Variants in CACNB2 observed in about 807,000 individuals in gnomAD.
The protein encoded by CACNB2 is voltage-dependent L-type calcium channel subunit beta-2.
CACNB2 carries 42 observed loss-of-function variants against 73.3 expected under a neutral mutation model. That is an observed-to-expected ratio of 0.57 (90% CI 0.45 to 0.74). The LOEUF is 0.74. Among genes scored for constraint, CACNB2 ranks in the 30% least tolerant of loss-of-function variants. CACNB2 has a pLI of 0.00. For synonymous variants in CACNB2, 348 were observed against 310.3 expected, an observed-to-expected ratio of 1.12 and a Z score of -1.28; for missense variants, 940 against 853.0, an observed-to-expected ratio of 1.10 and a Z score of -1.27.
intron 2 of CACNB2, among the ~76,000 whole-genome samples, chr10:18,391,943 A>AAG (rs1554808309): frequency 2.6e-5 from 4 of 151,622 alleles, no homozygotes; most frequent in Non-Finnish European, 4.4e-5. Flanking sequence ...AAAAAAAAAA[A>AAG]AAGAAGGTAA....
At chr10:18,295,198 A>G (rs1379700357) in intron 2 of CACNB2, among the ~76,000 whole-genome samples, 1 of 152,328 alleles carries the variant, frequency 6.6e-6, no homozygotes, top group South Asian at 2.1e-4. Context: ...AGCACTTCCA[A>G]TAACAATGCA....
intron 3 of CACNB2, among the ~76,000 whole-genome samples, chr10:18,454,869 C>T (rs1026843724): frequency 6.6e-6 from 1 of 151,980 alleles, no homozygotes; most frequent in African/African-American, 2.4e-5. Flanking sequence ...AAAGACTGCC[C>T]CCCGCTACAA....
chr10:18,430,800 A>G (rs571070011), intron 3 of CACNB2, among the ~76,000 whole-genome samples: 2 of 152,358 alleles, frequency 1.3e-5, no homozygotes, highest in South Asian at 4.1e-4. Flanking sequence ...GTGTTGAGGG[A>G]AAGGTGAAAA....
intron 2 of CACNB2, among the ~76,000 whole-genome samples, chr10:18,257,892 T>A (rs2037351457): frequency 6.6e-6 from 1 of 152,126 alleles, no homozygotes; most frequent in Non-Finnish European, 1.5e-5. Flanking sequence ...TACAGACATG[T>A]GCCACCCTGC....
At chr10:18,147,367 G>T (rs1231270493) in intron 1 of CACNB2, among the ~76,000 whole-genome samples, 2 of 151,976 alleles carry the variant, frequency 1.3e-5, no homozygotes, top group Non-Finnish European at 2.9e-5. Context: ...AACAACTAAA[G>T]GAATATAAAT....
At chr10:18,299,083 A>AAT (rs1329953099) in intron 2 of CACNB2, among the ~76,000 whole-genome samples, 1 of 62,976 alleles carries the variant, frequency 1.6e-5, no homozygotes, top group Admixed American at 1.8e-4. Context: ...AAAAAAAATA[A>AAT]AAAATAAAAG....
chr10:18,182,622 G>C (rs2033946156), intron 2 of CACNB2, among the ~76,000 whole-genome samples: 1 of 151,198 alleles, frequency 6.6e-6, no homozygotes. Flanking sequence ...AGGAGTTTGA[G>C]ACCAGCCTGG....
chr10:18,409,047 C>T (rs2044462323), intron 3 of CACNB2, among the ~76,000 whole-genome samples: 1 of 151,934 alleles, frequency 6.6e-6, no homozygotes, highest in Admixed American at 6.6e-5. Context: ...TTTGTAATCT[C>T]AGCACTTTGG....
chr10:18,163,492 A>G (rs1007860317), intron 2 of CACNB2, among the ~76,000 whole-genome samples: 3 of 152,168 alleles, frequency 2.0e-5, no homozygotes, highest in African/African-American at 7.2e-5. Context: ...TGAGGCACTA[A>G]GTCTTCGCCC....
At chr10:18,493,450 A>G (rs1037598728) in intron 3 of CACNB2, among the ~76,000 whole-genome samples, 26 of 152,052 alleles carry the variant, frequency 1.7e-4, no homozygotes, top group African/African-American at 6.3e-4. Context: ...ACAGGCGTAA[A>G]CCACTGCACC....
intron 2 of CACNB2, among the ~76,000 whole-genome samples, chr10:18,196,955 G>A (rs115617127): frequency 0.012 from 1,890 of 152,076 alleles, 34 homozygotes; most frequent in African/African-American, 0.04. Context: ...AGGATGCCCT[G>A]TTGGGCTTCT....
intron 2 of CACNB2, among the ~76,000 whole-genome samples, chr10:18,296,464 T>C (rs2039285452): frequency 6.6e-6 from 1 of 152,138 alleles, no homozygotes; most frequent in Non-Finnish European, 1.5e-5. Context: ...AGTATTTTCT[T>C]CTCCAATAAA....
rs369779858 is a variant in CACNB2 at position 18,314,234 on chromosome 10, A to C, written c.214-87690A>C. ...TAAAACCATAATGTATTACTGTTAA[A>C]AGTTGGGATTCGGGGAAAAGTAAGA... On this transcript the variant is annotated intron_variant, in intron 2 of 13. Transcript: ENST00000324631. 1.1e-4 allele frequency among the ~76,000 whole-genome samples: 16 copies of C among 152,360 alleles called. No individual in the cohort carries two copies. In the South Asian group the frequency reaches 1.2e-3, roughly 12 times the overall value.
At chr10:18,514,136 T>C in intron 6 of CACNB2, 100 bp from the exon 7 acceptor site, 1 of 1,307,774 alleles carries the variant, frequency 7.6e-7, no homozygotes, top group South Asian at 1.2e-5. Context: ...CTCATGATAG[T>C]TTTTTTTACT....
At chr10:18,161,699 G>C (rs2032476665) in intron 2 of CACNB2, among the ~76,000 whole-genome samples, 2 of 151,562 alleles carry the variant, frequency 1.3e-5, no homozygotes, top group African/African-American at 2.4e-5. Context: ...CCAGGCAGGT[G>C]AATCACCTGT....
At chr10:18,246,083 G>A (rs1757222) in intron 2 of CACNB2, among the ~76,000 whole-genome samples, 125,372 of 152,000 alleles carry the variant, frequency 0.82, 51,938 homozygotes, top group African/African-American at 0.88. Context: ...CCGAGAGGAA[G>A]AAACCTCAGA....
At chr10:18,351,073 G>C (rs1421287919) in intron 2 of CACNB2, among the ~76,000 whole-genome samples, 1 of 151,462 alleles carries the variant, frequency 6.6e-6, no homozygotes, top group Non-Finnish European at 1.5e-5. Flanking sequence ...ATAGCATAGA[G>C]TCATTCTCAC....
At chr10:18,480,640 G>A (rs2048677128) in intron 3 of CACNB2, among the ~76,000 whole-genome samples, 1 of 152,224 alleles carries the variant, frequency 6.6e-6, no homozygotes. Flanking sequence ...TCTACCAAGT[G>A]TAGCTAGTTC....
At chr10:18,312,359 A>C (rs1422682167) in intron 2 of CACNB2, among the ~76,000 whole-genome samples, 2 of 152,216 alleles carry the variant, frequency 1.3e-5, no homozygotes, top group African/African-American at 4.8e-5. Flanking sequence ...TACATAAAAA[A>C]ATATTATTTA....
Sources: allele counts gnomAD v4.1 joint callset (sites outside exome capture counted in the v4.1 genomes callset), GRCh38; gene constraint gnomAD v4.1.1; transcripts MANE v1.5; gene names NCBI Gene and HGNC (gene_info 2026-07-23, HGNC 2026-07-21).